GRM8: variants seen among roughly 807,000 people sequenced by gnomAD.
GRM8 encodes metabotropic glutamate receptor 8.
Under a neutral mutation model 87.2 loss-of-function variants are expected in GRM8, and 47 were observed. The observed-to-expected ratio is 0.54, with a 90% CI of 0.43 to 0.69. The LOEUF (loss-of-function observed/expected upper bound fraction) is 0.69, where lower values mean the gene tolerates loss of function less well. GRM8 is among the 30% of genes least tolerant of loss of function. GRM8 has a pLI of 0.00. For synonymous variants in GRM8, 396 were observed against 404.5 expected, an observed-to-expected ratio of 0.98 and a Z score of 0.25; for missense variants, 1,019 against 1,139.2, an observed-to-expected ratio of 0.89 and a Z score of 1.52.
In GRM8 at chr7:127,127,671, G is replaced by A. The variant is rs149148330; in HGVS notation, c.511-20959C>T. Among the ~76,000 whole-genome samples the A allele has an allele frequency of 1.3e-3, 192 of 152,076 alleles. 1 individual carries two copies. Among genetic ancestry groups the A allele is most frequent in the African/African-American group, 4.5e-3 (188 of 41,522 alleles). On this transcript the variant is annotated intron_variant, in intron 2 of 10. Transcript: ENST00000339582. Reference sequence around the variant, plus strand: ...GTAAATGGCACAAGGAAAGTTTTTAGGTGACGGAAAAATGCTATATCTTGA... The same window carrying A: ...GTAAATGGCACAAGGAAAGTTTTTAAGTGACGGAAAAATGCTATATCTTGA...
At chr7:126,844,103 C>G (rs935621078) in intron 6 of GRM8, among the ~76,000 whole-genome samples, 1 of 152,154 alleles carries the variant, frequency 6.6e-6, no homozygotes, top group Non-Finnish European at 1.5e-5. Context: ...TTCTGTTAAT[C>G]TTCTGCTTGT....
chr7:126,667,871 G>T (rs1389365785), intron 7 of GRM8, among the ~76,000 whole-genome samples: 2 of 152,218 alleles, frequency 1.3e-5, no homozygotes, highest in African/African-American at 4.8e-5. Context: ...CATGGCAGAG[G>T]ACAGGATGCA....
intron 2 of GRM8, among the ~76,000 whole-genome samples, chr7:127,142,438 T>G (rs148710216): frequency 5.3e-5 from 8 of 152,204 alleles, no homozygotes; most frequent in Admixed American, 5.2e-4. Flanking sequence ...AAAGCCAATT[T>G]CTCCCAGTGA....
chr7:126,552,532 C>T (rs1315955422), intron 8 of GRM8, among the ~76,000 whole-genome samples: 1 of 152,084 alleles, frequency 6.6e-6, no homozygotes, highest in Non-Finnish European at 1.5e-5. Flanking sequence ...CAAGCTAATA[C>T]TCCAAAATCC....
chr7:127,047,294 C>A (rs1819025310), intron 3 of GRM8, among the ~76,000 whole-genome samples: 1 of 152,168 alleles, frequency 6.6e-6, no homozygotes, highest in Non-Finnish European at 1.5e-5. Context: ...CAGAAAAAAA[C>A]TGCTCACCCT....
At chr7:127,006,336 TTGCATGTAAACA>T (rs1410879826) in intron 3 of GRM8, among the ~76,000 whole-genome samples, 1 of 151,974 alleles carries the variant, frequency 6.6e-6, no homozygotes, top group African/African-American at 2.4e-5. Flanking sequence ...TCATTTCCAT[TTGCATGTAAACA>T]TGTTGTAAAA....
chr7:127,086,061 T>C (rs1386001598), intron 3 of GRM8, among the ~76,000 whole-genome samples: 4 of 152,202 alleles, frequency 2.6e-5, no homozygotes, highest in Non-Finnish European at 4.4e-5. Context: ...AACAAAGGCA[T>C]TCATGCCAGA....
chr7:127,045,687 TATACCCAGATCCCACACG>T (rs1818859563), intron 3 of GRM8, among the ~76,000 whole-genome samples: 1 of 152,194 alleles, frequency 6.6e-6, no homozygotes, highest in Non-Finnish European at 1.5e-5. Flanking sequence ...ACCTCCACCA[TATACCCAGATCCCACACG>T]TGCATAACTT....
intron 3 of GRM8, among the ~76,000 whole-genome samples, chr7:127,001,039 T>C (rs538242047): frequency 4.0e-5 from 6 of 151,608 alleles, no homozygotes; most frequent in Non-Finnish European, 7.4e-5. Context: ...AACACTACAA[T>C]AATCAAGACA....
At chr7:126,956,380 C>T (rs542321316) in intron 3 of GRM8, among the ~76,000 whole-genome samples, 18 of 152,164 alleles carry the variant, frequency 1.2e-4, no homozygotes, top group Non-Finnish European at 1.2e-4. Context: ...ATAACCAAGC[C>T]TATCTCACCA....
intron 9 of GRM8, among the ~76,000 whole-genome samples, chr7:126,518,215 G>T (rs998319950): frequency 6.6e-6 from 1 of 152,046 alleles, no homozygotes; most frequent in African/African-American, 2.4e-5. Flanking sequence ...AATAAAAAAT[G>T]AGTTTCTAAT....
chr7:127,178,656 T>C (rs1216790375), intron 2 of GRM8, among the ~76,000 whole-genome samples: 1 of 152,166 alleles, frequency 6.6e-6, no homozygotes, highest in Non-Finnish European at 1.5e-5. Flanking sequence ...CAGATTTCTC[T>C]GGAGAAACCC....
chr7:126,493,675 C>G (rs780095868), intron 9 of GRM8, among the ~76,000 whole-genome samples: 1 of 152,018 alleles, frequency 6.6e-6, no homozygotes, highest in Non-Finnish European at 1.5e-5. Flanking sequence ...GTGACTAGCT[C>G]TGTGACCTTG....
intron 6 of GRM8, among the ~76,000 whole-genome samples, chr7:126,866,580 A>ATTTTT (rs59013947): frequency 5.9e-5 from 4 of 68,032 alleles, no homozygotes; most frequent in Admixed American, 2.4e-4. Flanking sequence ...CTTTGACTCA[A>ATTTTT]TTTTTTTTTT....
intron 7 of GRM8, among the ~76,000 whole-genome samples, chr7:126,644,433 T>A (rs1802814110): frequency 6.6e-6 from 1 of 152,124 alleles, no homozygotes; most frequent in Non-Finnish European, 1.5e-5. Flanking sequence ...TATGGCAGTG[T>A]TTTCCATGGA....
At chr7:126,660,728 C>T (rs369491607) in intron 7 of GRM8, among the ~76,000 whole-genome samples, 1 of 152,176 alleles carries the variant, frequency 6.6e-6, no homozygotes, top group East Asian at 1.9e-4. Flanking sequence ...ATACCCCTGA[C>T]TAATCAGGCT....
intron 7 of GRM8, among the ~76,000 whole-genome samples, chr7:126,615,915 C>A (rs1799437782): frequency 1.3e-5 from 2 of 152,114 alleles, no homozygotes; most frequent in Non-Finnish European, 2.9e-5. Context: ...GACTCCCACA[C>A]AATAATAATG....
At chr7:126,591,061 C>T (rs545214749) in intron 8 of GRM8, among the ~76,000 whole-genome samples, 36 of 152,154 alleles carry the variant, frequency 2.4e-4, no homozygotes, top group African/African-American at 8.7e-4. Context: ...GACTTAAAAA[C>T]TCCACTTAAG....
intron 3 of GRM8, among the ~76,000 whole-genome samples, chr7:126,987,992 A>G (rs1310432376): frequency 1.3e-5 from 2 of 152,314 alleles, no homozygotes; most frequent in East Asian, 1.9e-4. Context: ...AGAAAACTAC[A>G]TTAATGAATG....
Sources: gnomAD v4.1 joint callset for allele counts (sites outside exome capture counted in the v4.1 genomes callset) on GRCh38, gnomAD v4.1.1 for gene constraint, MANE v1.5 for transcripts, NCBI Gene and HGNC (gene_info 2026-07-23, HGNC 2026-07-21) for gene names.